RBFOX1: variants seen among roughly 807,000 people sequenced by gnomAD.
RBFOX1 encodes RNA binding fox-1 homolog 1.
In RBFOX1, 8 loss-of-function variants were observed where a neutral mutation model predicts 57.7. That is an observed-to-expected ratio of 0.14 (90% confidence interval 0.08 to 0.25). RBFOX1 has a LOEUF of 0.25. Among genes scored for constraint, RBFOX1 ranks in the 10% least tolerant of loss-of-function variants. The pLI is 1.00. For synonymous variants in RBFOX1, 326 were observed against 222.4 expected (o/e 1.47, Z -4.15); for missense variants, 611 against 548.5 (o/e 1.11, Z -1.14).
At chr16:5,563,228 C>G (rs1294552062) in intron 2 of RBFOX1, among the ~76,000 whole-genome samples, 3 of 152,306 alleles carry the variant, frequency 2.0e-5, no homozygotes, top group African/African-American at 7.2e-5. Context: ...GGATTACAGG[C>G]GTGAGCCACC....
chr16:5,706,091 A>C (rs2051238019), intron 3 of RBFOX1, among the ~76,000 whole-genome samples: 1 of 152,102 alleles, frequency 6.6e-6, no homozygotes, highest in African/African-American at 2.4e-5. Flanking sequence ...TTGTATTTTT[A>C]GTAGAGATGG....
At chr16:7,512,712 G>T (rs1237696836) in intron 4 of RBFOX1, among the ~76,000 whole-genome samples, 1 of 152,204 alleles carries the variant, frequency 6.6e-6, no homozygotes, top group Admixed American at 6.5e-5. Flanking sequence ...GGCACCAGTG[G>T]TGCCCCCAGC....
intron 4 of RBFOX1, among the ~76,000 whole-genome samples, chr16:7,455,220 G>C (rs1169139318): frequency 1.3e-5 from 2 of 152,188 alleles, no homozygotes; most frequent in African/African-American, 4.8e-5. Flanking sequence ...TTTGGTTCTA[G>C]CTAAATAAGT....
At position 6,571,862 on chromosome 16, in the gene RBFOX1, T is replaced by G. The variant is rs150796648; in HGVS notation, c.-63-82741T>G. Among the ~76,000 whole-genome samples, 1,373 of 152,280 alleles carry G rather than the reference T, an allele frequency of 9.0e-3. 32 individuals carry two copies. Among genetic ancestry groups the G allele is most frequent in the African/African-American group, 0.032 (1,326 of 41,526 alleles). On this transcript the variant is annotated intron_variant, in intron 2 of 15. Transcript: ENST00000550418. ...TTATCATGAGTGGTTTGATTGAGGA[T>G]GATATTTCTTTTCTTAGTTTTTACA...
At chr16:5,759,786 C>T (rs576970334) in intron 3 of RBFOX1, among the ~76,000 whole-genome samples, 18 of 129,300 alleles carry the variant, frequency 1.4e-4, no homozygotes, top group African/African-American at 5.0e-4. Context: ...CAGTATTCCT[C>T]TCTGGGATTT....
At chr16:7,081,084 GA>G in intron 4 of RBFOX1, among the ~76,000 whole-genome samples, 1 of 152,130 alleles carries the variant, frequency 6.6e-6, no homozygotes, top group East Asian at 1.9e-4. Flanking sequence ...ACCAAGGCTG[GA>G]GTGCAGTGGC....
At chr16:7,494,461 T>C (rs1052564398) in intron 4 of RBFOX1, among the ~76,000 whole-genome samples, 26 of 152,174 alleles carry the variant, frequency 1.7e-4, no homozygotes, top group Admixed American at 1.7e-3. Context: ...TTTGATGGAT[T>C]ATTTTTTCTG....
chr16:5,354,715 C>T (rs2065344405), intron 1 of RBFOX1, among the ~76,000 whole-genome samples: 2 of 152,196 alleles, frequency 1.3e-5, no homozygotes, highest in South Asian at 4.1e-4. Context: ...TAAGTGTGGT[C>T]CTTCTGATAG....
chr16:7,581,149 A>G (rs762069878), intron 6 of RBFOX1, among the ~76,000 whole-genome samples: 2 of 152,152 alleles, frequency 1.3e-5, no homozygotes, highest in East Asian at 3.8e-4. Context: ...GCATCCTAAT[A>G]TTGAAGATAC....
chr16:5,394,837 G>A (rs1314534019), intron 1 of RBFOX1, among the ~76,000 whole-genome samples: 1 of 152,086 alleles, frequency 6.6e-6, no homozygotes, highest in Admixed American at 6.5e-5. Context: ...GGTTTGAGCC[G>A]CTATGCCTGG....
chr16:6,826,492 C>T (rs910680947), intron 3 of RBFOX1, among the ~76,000 whole-genome samples: 9 of 152,106 alleles, frequency 5.9e-5, no homozygotes, highest in African/African-American at 2.2e-4. Flanking sequence ...TAGAACAGTG[C>T]CTGGTATACA....
Position 6,783,913 on chromosome 16 carries a change from A to G in RBFOX1, c.-16+129263A>G, listed in dbSNP as rs530146595. On this transcript the variant is annotated intron_variant, in intron 3 of 15. Transcript: ENST00000550418. ...TTGAAGCATAACTATGCTGAATATAATGTTCTAGCTTTGAAAGTCTTTTTG... is the reference window on the plus strand; with the variant it reads ...TTGAAGCATAACTATGCTGAATATAGTGTTCTAGCTTTGAAAGTCTTTTTG... Among the ~76,000 whole-genome samples, 8 of 152,196 alleles carry G rather than the reference A, an allele frequency of 5.3e-5. No individual in the cohort carries two copies. The South Asian group carries it at 1.4e-3, about 28-fold the overall frequency.
intron 4 of RBFOX1, among the ~76,000 whole-genome samples, chr16:7,370,482 CG>C (rs1383454812): frequency 1.3e-5 from 2 of 152,158 alleles, no homozygotes; most frequent in African/African-American, 4.8e-5. Context: ...TTTATCAACG[CG>C]GGTAAGTTCT....
intron 5 of RBFOX1, among the ~76,000 whole-genome samples, chr16:7,543,372 T>C (rs2083476127): frequency 6.6e-6 from 1 of 152,122 alleles, no homozygotes; most frequent in Admixed American, 6.6e-5. Context: ...TTACAAGACT[T>C]TTTTACAGGC....
intron 1 of RBFOX1, among the ~76,000 whole-genome samples, chr16:6,307,485 C>G (rs973943308): frequency 2.0e-5 from 3 of 150,128 alleles, no homozygotes; most frequent in Non-Finnish European, 4.4e-5. Context: ...CTTTCTAAGT[C>G]TAATTGATCT....
chr16:7,627,914 A>AT (rs34947164), intron 10 of RBFOX1, among the ~76,000 whole-genome samples: 407 of 147,010 alleles, frequency 2.8e-3, no homozygotes, highest in Middle Eastern at 7.0e-3. Flanking sequence ...TTGCATAAAG[A>AT]TTTTTTTTTT....
chr16:6,711,950 T>G (rs1311663150), intron 3 of RBFOX1, among the ~76,000 whole-genome samples: 1 of 152,198 alleles, frequency 6.6e-6, no homozygotes, highest in African/African-American at 2.4e-5. Context: ...TGTCTCCCAT[T>G]CTTCCTTTGT....
intron 2 of RBFOX1, among the ~76,000 whole-genome samples, chr16:6,560,906 A>T (rs1220657493): frequency 1.3e-5 from 2 of 152,190 alleles, no homozygotes; most frequent in Non-Finnish European, 2.9e-5. Flanking sequence ...AAATGAATGC[A>T]GGCCACATCA....
At chr16:6,981,045 A>AAAAAAAAAAAAAAAAAAAAAC (rs1450296417) in intron 3 of RBFOX1, among the ~76,000 whole-genome samples, 1 of 150,694 alleles carries the variant, frequency 6.6e-6, no homozygotes, top group African/African-American at 2.5e-5. Context: ...TCAGTCTCAA[A>AAAAAAAAAAAAAAAAAAAAAC]AAAAAAAAAA....
Sources: gnomAD v4.1 joint callset for allele counts (sites outside exome capture counted in the v4.1 genomes callset) on GRCh38, gnomAD v4.1.1 for gene constraint, MANE v1.5 for transcripts, NCBI Gene and HGNC (gene_info 2026-07-23, HGNC 2026-07-21) for gene names.